Variants in FGF9 observed in about 807,000 individuals in gnomAD.
FGF9 encodes fibroblast growth factor 9 (glia-activating factor).
In FGF9, 3 loss-of-function variants were observed where a neutral mutation model predicts 19.9. The observed-to-expected ratio is 0.15, with a 90% confidence interval of 0.07 to 0.39. The LOEUF (loss-of-function observed/expected upper bound fraction) is 0.39, where lower values mean the gene tolerates loss of function less well. FGF9 is among the 10% of genes least tolerant of loss of function. The pLI is 1.00. For synonymous variants in FGF9, 107 were observed against 106.9 expected (o/e 1.00, Z -0.01); for missense variants, 175 against 256.8 (o/e 0.68, Z 2.18).
chr13:21,682,018 T>C (rs1041065303), intron 2 of FGF9, among the ~76,000 whole-genome samples: 2 of 151,618 alleles, frequency 1.3e-5, no homozygotes, highest in Admixed American at 6.6e-5. Context: ...TTCTTTCTTT[T>C]TTTTTTTTTT....
chr13:21,675,041 G>C (rs1193297303), intron 1 of FGF9, among the ~76,000 whole-genome samples: 11 of 149,924 alleles, frequency 7.3e-5, no homozygotes, highest in Middle Eastern at 3.5e-3. Context: ...GTGGGGGCTG[G>C]GGGGAGGGGC....
At chr13:21,673,687 CAGTGGGCGGCCCTG>C (rs1450980308) in intron 1 of FGF9, among the ~76,000 whole-genome samples, 1 of 152,010 alleles carries the variant, frequency 6.6e-6, no homozygotes, top group Non-Finnish European at 1.5e-5. Flanking sequence ...GAACAACAGG[CAGTGGGCGGCCCTG>C]GGTGGGCGAG....
intron 2 of FGF9, among the ~76,000 whole-genome samples, chr13:21,692,289 C>A (rs962615229): frequency 4.6e-5 from 7 of 152,112 alleles, no homozygotes; most frequent in African/African-American, 1.7e-4. Context: ...CTTTTCCCCC[C>A]TTCTTTCGTT....
chr13:21,688,151 G>A (rs776479161), intron 2 of FGF9, among the ~76,000 whole-genome samples: 6 of 152,192 alleles, frequency 3.9e-5, no homozygotes, highest in African/African-American at 9.7e-5. Flanking sequence ...ATGACCTTAT[G>A]TGTTCGTGGA....
intron 1 of FGF9, among the ~76,000 whole-genome samples, chr13:21,680,521 G>C (rs1251505820): frequency 1.3e-5 from 2 of 151,672 alleles, no homozygotes; most frequent in Non-Finnish European, 2.9e-5. Flanking sequence ...AAGTCCAAAA[G>C]CAAGATACTC....
Position 21,702,638 on chromosome 13 carries a change from C to T in FGF9, c.*1203C>T, listed in dbSNP as rs917960237. 3.3e-5 allele frequency: 5 copies of T among 151,884 alleles called. No homozygotes were observed. The highest frequency in any genetic ancestry group is 4.8e-5 in the African/African-American group (2 of 41,354). The allele number at this position is 151,884 out of a possible 1,614,324, so 9.4% of individuals were successfully genotyped here. On this transcript the variant is annotated 3_prime_UTR_variant, in exon 3 of 3. Transcript: ENST00000382353. The stretch of plus-strand genomic sequence containing the variant: ...TAGCACAGACTATTTTTTTTAAAGA[C>T]GTAAGAATCAGATTAACAGGATCAT...
chr13:21,697,270 T>A (rs895531155), intron 2 of FGF9, among the ~76,000 whole-genome samples: 4 of 152,194 alleles, frequency 2.6e-5, no homozygotes, highest in African/African-American at 9.7e-5. Context: ...TGCCTCAGCC[T>A]CCTGTGTAGC....
At position 21,701,470 on chromosome 13, in the gene FGF9, G is replaced by A. The variant is rs762130652; in HGVS notation, c.*35G>A. 1 of 1,613,666 alleles carries A rather than the reference G, an allele frequency of 6.2e-7. No homozygotes were observed. Among genetic ancestry groups the A allele is most frequent in the Admixed American group, 1.7e-5 (1 of 59,990 alleles). On this transcript the variant is annotated 3_prime_UTR_variant, in exon 3 of 3. Transcript: ENST00000382353. ...TTTCTTCACTTGAGCCCTTAAAAAA[G>A]TAACCACTATAAAGGTTTCACGCGG... is the stretch of plus-strand genomic sequence containing the variant.
chr13:21,686,479 T>G (rs1872161158), intron 2 of FGF9, among the ~76,000 whole-genome samples: 1 of 152,254 alleles, frequency 6.6e-6, no homozygotes. Context: ...GTACAGGTAC[T>G]AACATTGTAA....
In FGF9 at chr13:21,701,562, A is replaced by G. The variant is rs1173290659; in HGVS notation, c.*127A>G. ...TGTTGCCAAACTTTGTCGCATGCAT[A>G]ATGTATGATGGAGGCTTGGATGGGA... is the stretch of plus-strand genomic sequence containing the variant. On this transcript the variant is annotated 3_prime_UTR_variant, in exon 3 of 3. Coordinates refer to ENST00000382353, the MANE Select transcript of FGF9 (RefSeq NM_002010.3). 7.6e-7 allele frequency: 1 copy of G among 1,312,438 alleles called. No homozygotes were observed. Among genetic ancestry groups the G allele is most frequent in the Non-Finnish European group, 1.1e-6 (1 of 913,924 alleles). 81.3% of individuals were successfully genotyped at this position (1,312,438 alleles called of 1,614,324 possible).
At chr13:21,685,057 A>G (rs1872127579) in intron 2 of FGF9, among the ~76,000 whole-genome samples, 1 of 152,154 alleles carries the variant, frequency 6.6e-6, no homozygotes, top group Non-Finnish European at 1.5e-5. Context: ...TGACTAAAAT[A>G]TCTCATTTTC....
intron 1 of FGF9, among the ~76,000 whole-genome samples, chr13:21,676,660 G>A (rs1251839567): frequency 1.3e-5 from 2 of 152,216 alleles, no homozygotes; most frequent in East Asian, 1.9e-4. Context: ...CAGGGAAGAG[G>A]CTTAATCATT....
At chr13:21,675,505 G>T (rs917680990) in intron 1 of FGF9, among the ~76,000 whole-genome samples, 5 of 151,926 alleles carry the variant, frequency 3.3e-5, no homozygotes, top group Admixed American at 6.6e-5. Flanking sequence ...CCGGGAGGGG[G>T]CGAGGGGGCT....
intron 1 of FGF9, among the ~76,000 whole-genome samples, chr13:21,675,025 G>A (rs1467394445): frequency 1.3e-5 from 2 of 148,412 alleles, no homozygotes; most frequent in Non-Finnish European, 3.0e-5. Context: ...GGGGGCTGGG[G>A]GGGATGTGGG....
chr13:21,688,558 T>A (rs965913096), intron 2 of FGF9, among the ~76,000 whole-genome samples: 1 of 152,228 alleles, frequency 6.6e-6, no homozygotes, highest in Non-Finnish European at 1.5e-5. Flanking sequence ...GTCACATAGA[T>A]GATGACAAGT....
At chr13:21,682,474 G>A (rs1872063260) in intron 2 of FGF9, among the ~76,000 whole-genome samples, 1 of 152,080 alleles carries the variant, frequency 6.6e-6, no homozygotes, top group Non-Finnish European at 1.5e-5. Flanking sequence ...GTAAAAATAT[G>A]TATATATAGA....
intron 2 of FGF9, among the ~76,000 whole-genome samples, chr13:21,700,869 A>G (rs1872523093): frequency 6.6e-6 from 1 of 152,240 alleles, no homozygotes; most frequent in African/African-American, 2.4e-5. Context: ...TTGTAGGGTT[A>G]GGCAGTTTTT....
chr13:21,702,227 A>G lies in FGF9; in HGVS notation c.*792A>G, dbSNP rs1872567193. Reference sequence around the variant, plus strand: ...AGATATAATGGTGCATGGATATAAGAAATTCTAATGACCCTAATGTACTAA... The same window carrying G: ...AGATATAATGGTGCATGGATATAAGGAATTCTAATGACCCTAATGTACTAA... On this transcript the variant is annotated 3_prime_UTR_variant, in exon 3 of 3. Coordinates refer to ENST00000382353, the MANE Select transcript of FGF9 (RefSeq NM_002010.3). 1.3e-5 allele frequency: 2 copies of G among 152,184 alleles called. No homozygotes were observed. Among genetic ancestry groups the G allele is most frequent in the Admixed American group, 1.3e-4 (2 of 15,276 alleles). The allele number at this position is 152,184 out of a possible 1,614,324, so 9.4% of individuals were successfully genotyped here. A position where few individuals can be genotyped will look rare whatever the true frequency, so the allele number is the denominator to read the frequency against.
At chr13:21,673,470 A>G (rs1462231403) in intron 1 of FGF9, among the ~76,000 whole-genome samples, 5 of 152,102 alleles carry the variant, frequency 3.3e-5, no homozygotes, top group Non-Finnish European at 7.4e-5. Flanking sequence ...GTAGTGTGAA[A>G]TTGCTCCGGC....
Sources: gnomAD v4.1 joint callset for allele counts (sites outside exome capture counted in the v4.1 genomes callset) on GRCh38, gnomAD v4.1.1 for gene constraint, MANE v1.5 for transcripts, NCBI Gene and HGNC (gene_info 2026-07-23, HGNC 2026-07-21) for gene names.